Variants in TPTE observed in about 807,000 individuals in gnomAD.
TPTE encodes the protein putative tyrosine-protein phosphatase TPTE.
TPTE carries 59 observed loss-of-function variants against 84.1 expected under a neutral mutation model. The ratio of observed to expected loss-of-function variants is 0.70; its 90% CI spans 0.57 to 0.87. The LOEUF (loss-of-function observed/expected upper bound fraction) is 0.87, where lower values mean the gene tolerates loss of function less well. Among genes scored for constraint, TPTE ranks in the 40% least tolerant of loss-of-function variants. TPTE has a pLI of 0.00. For synonymous variants in TPTE, 130 were observed against 223.5 expected (o/e 0.58, Z 3.73); for missense variants, 382 against 659.6 (o/e 0.58, Z 4.61).
At chr21:10,568,763 G>C (rs1418040977) in intron 11 of TPTE, among the ~76,000 whole-genome samples, 2 of 152,312 alleles carry the variant, frequency 1.3e-5, no homozygotes, top group African/African-American at 2.4e-5. Flanking sequence ...CACTGAATCA[G>C]TATCTCTGGG....
chr21:10,572,976 C>A (rs1256148201), intron 14 of TPTE, among the ~76,000 whole-genome samples: 1 of 152,260 alleles, frequency 6.6e-6, no homozygotes, highest in Non-Finnish European at 1.5e-5. Context: ...CAGGATAAAG[C>A]CTCATCTATT....
At chr21:10,525,716 C>G (rs1357763646) in intron 2 of TPTE, among the ~76,000 whole-genome samples, 6 of 152,304 alleles carry the variant, frequency 3.9e-5, no homozygotes, top group Admixed American at 2.6e-4. Context: ...TTGCAATTCT[C>G]ACCTTCCTTA....
At chr21:10,542,303 G>A (rs2074383184) in intron 5 of TPTE, 92 bp from the exon 6 acceptor site, 3 of 1,465,854 alleles carry the variant, frequency 2.0e-6, no homozygotes, top group Non-Finnish European at 2.8e-6. Context: ...AAATTAATTG[G>A]TTTCTGTCTA....
intron 3 of TPTE, among the ~76,000 whole-genome samples, chr21:10,530,593 C>G (rs1600854517): frequency 6.6e-6 from 1 of 152,310 alleles, no homozygotes; most frequent in East Asian, 1.9e-4. Flanking sequence ...TGCTTCCTAC[C>G]ATTTGCCTTC....
rs756477156 is a variant in TPTE at position 10,543,420 on chromosome 21, G to T, written c.173+38G>T. 5.6e-6 allele frequency: 9 copies of T among 1,613,434 alleles called. No individual in the cohort carries two copies. In the Admixed American group the frequency reaches 1.3e-4, roughly 24 times the overall value. Reference sequence around the variant, plus strand: ...TACATGAAGACACACGTATGCATAAGAGTGCATAGAGCTATACACACACCA... The same window carrying T: ...TACATGAAGACACACGTATGCATAATAGTGCATAGAGCTATACACACACCA... On this transcript the variant is annotated intron_variant, in intron 7 of 23. Coordinates refer to ENST00000618007, the MANE Select transcript of TPTE (RefSeq NM_199261.4).
chr21:10,526,594 G>A (rs2074083363), intron 2 of TPTE, among the ~76,000 whole-genome samples: 1 of 152,312 alleles, frequency 6.6e-6, no homozygotes, highest in Admixed American at 6.5e-5. Context: ...CGTTTGAAAA[G>A]TTAGAAAATT....
chr21:10,587,041 A>C (rs2075379336), intron 17 of TPTE, among the ~76,000 whole-genome samples: 1 of 152,298 alleles, frequency 6.6e-6, no homozygotes, highest in Admixed American at 6.5e-5. Context: ...GTGCAGGCTG[A>C]ATTTTAGTGA....
intron 21 of TPTE, 44 bp from the exon 22 acceptor site, chr21:10,602,014 A>C (rs549388177): frequency 6.3e-7 from 1 of 1,587,498 alleles, no homozygotes; most frequent in Non-Finnish European, 8.7e-7. Flanking sequence ...CATTGTTATC[A>C]TTATCTAGGT....
At chr21:10,597,630 G>T (rs1433486420) in intron 20 of TPTE, among the ~76,000 whole-genome samples, 1 of 152,308 alleles carries the variant, frequency 6.6e-6, no homozygotes, top group African/African-American at 2.4e-5. Context: ...GGCCACGCTG[G>T]TTTAGAATTC....
intron 19 of TPTE, among the ~76,000 whole-genome samples, chr21:10,594,496 C>G (rs1485918890): frequency 1.3e-5 from 2 of 152,304 alleles, no homozygotes; most frequent in Admixed American, 1.3e-4. Context: ...GTATTAATTT[C>G]TACTACAAGT....
chr21:10,600,967 C>A lies in TPTE; in HGVS notation c.1357-1091C>A, dbSNP rs58530678. ...CTCCCCCTCCCTTGGGAGGAGCATG[C>A]TGGCCCAACCCCCAAGTGTTACAGA... On this transcript the variant is annotated intron_variant, in intron 21 of 23. Transcript: ENST00000618007. Among the ~76,000 whole-genome samples, 10 of 152,396 alleles carry A rather than the reference C, an allele frequency of 6.6e-5. No individual in the cohort carries two copies. In the East Asian group the frequency reaches 1.4e-3, roughly 21 times the overall value.
At chr21:10,553,604 G>A (rs1254978719) in intron 8 of TPTE, among the ~76,000 whole-genome samples, 2 of 152,306 alleles carry the variant, frequency 1.3e-5, no homozygotes, top group Non-Finnish European at 2.9e-5. Context: ...AAATAAAGCA[G>A]GTTTTCATTT....
Position 10,528,050 on chromosome 21 carries a change from T to C in TPTE, c.-44+638T>C, listed in dbSNP as rs541556653. ...ATTTAAATCTTGATTCATTAAACTT[T>C]TTTGAGAGTCCTAAACAATTTTTAT... On this transcript the variant is annotated intron_variant, in intron 3 of 23. Coordinates refer to ENST00000618007, the MANE Select transcript of TPTE (RefSeq NM_199261.4). Among the ~76,000 whole-genome samples the C allele has an allele frequency of 3.9e-5, 6 of 152,428 alleles. No individual in the cohort carries two copies. In the East Asian group the frequency reaches 1.2e-3, roughly 29 times the overall value.
chr21:10,601,704 T>C (rs1323267574), intron 21 of TPTE, among the ~76,000 whole-genome samples: 1 of 152,276 alleles, frequency 6.6e-6, no homozygotes, highest in African/African-American at 2.4e-5. Context: ...AATTCAAAAA[T>C]TAGCTGGGTA....
intron 19 of TPTE, among the ~76,000 whole-genome samples, chr21:10,595,600 T>C (rs1170473289): frequency 2.0e-5 from 3 of 152,428 alleles, no homozygotes; most frequent in Non-Finnish European, 4.4e-5. Flanking sequence ...TATACCATTC[T>C]CTCATGCCCA....
rs1249194433 is a variant in TPTE, at chr21:10,557,071, G to T, written c.234-2423G>T. ...AATTAGATCCTGTTTGTCAATTTTG[G>T]CTTTTGTTGCCATTGCTTTTGTTCA... On this transcript the variant is annotated intron_variant, in intron 8 of 23. Coordinates refer to ENST00000618007, the MANE Select transcript of TPTE (RefSeq NM_199261.4). Among the ~76,000 whole-genome samples the T allele has an allele frequency of 2.6e-5, 4 of 152,308 alleles. No individual in the cohort carries two copies. The South Asian group carries it at 6.2e-4, about 24-fold the overall frequency.
At chr21:10,541,493 T>TGC (rs1325443654) in intron 5 of TPTE, among the ~76,000 whole-genome samples, 4 of 150,628 alleles carry the variant, frequency 2.7e-5, no homozygotes, top group South Asian at 4.2e-4. Flanking sequence ...AAAAAAAAGA[T>TGC]GCACACACAC....
chr21:10,566,310 C>T (rs1382713071), intron 10 of TPTE, among the ~76,000 whole-genome samples: 7 of 152,306 alleles, frequency 4.6e-5, no homozygotes, highest in African/African-American at 1.2e-4. Flanking sequence ...CATGAGATAT[C>T]ATCTCACCCC....
At chr21:10,598,853 A>G (rs2075638484) in intron 21 of TPTE, among the ~76,000 whole-genome samples, 1 of 152,306 alleles carries the variant, frequency 6.6e-6, no homozygotes, top group Admixed American at 6.5e-5. Flanking sequence ...ATTCCCTGCC[A>G]TGCCCTCCCT....
Sources: allele counts gnomAD v4.1 joint callset (sites outside exome capture counted in the v4.1 genomes callset), GRCh38; gene constraint gnomAD v4.1.1; transcripts MANE v1.5; gene names NCBI Gene and HGNC (gene_info 2026-07-23, HGNC 2026-07-21).